The following EPB41L4B variants were observed in gnomAD, a reference collection of about 807,000 sequenced individuals.
EPB41L4B encodes band 4.1-like protein 4B.
Under a neutral mutation model 112.5 loss-of-function variants are expected in EPB41L4B, and 30 were observed. That is an observed-to-expected ratio of 0.27 (90% CI 0.20 to 0.36). The LOEUF is 0.36. Among genes scored for constraint, EPB41L4B ranks in the 10% least tolerant of loss-of-function variants. The pLI is 1.00. For synonymous variants in EPB41L4B, 408 were observed against 439.7 expected (o/e 0.93, Z 0.90); for missense variants, 1,024 against 1,133.3 (o/e 0.90, Z 1.38).
intron 20 of EPB41L4B, among the ~76,000 whole-genome samples, chr9:109,195,764 C>T (rs1832619418): frequency 6.6e-6 from 1 of 152,126 alleles, no homozygotes; most frequent in Admixed American, 6.5e-5. Context: ...ATATAAAAGG[C>T]CATTTAAAAA....
intron 2 of EPB41L4B, among the ~76,000 whole-genome samples, chr9:109,274,971 C>T (rs1460920649): frequency 6.6e-6 from 1 of 152,228 alleles, no homozygotes; most frequent in African/African-American, 2.4e-5. Flanking sequence ...GGCCTGAGCC[C>T]TTGGCTCTCA....
chr9:109,250,181 T>C (rs1834728077), intron 13 of EPB41L4B, among the ~76,000 whole-genome samples: 1 of 152,142 alleles, frequency 6.6e-6, no homozygotes, highest in African/African-American at 2.4e-5. Flanking sequence ...AAAACACTGA[T>C]CTAGCCCAAC....
intron 22 of EPB41L4B, among the ~76,000 whole-genome samples, chr9:109,188,476 C>T (rs147790466): frequency 3.9e-5 from 6 of 152,196 alleles, no homozygotes; most frequent in African/African-American, 7.2e-5. Flanking sequence ...AAAACAGCCA[C>T]GAAAGAACCA....
In EPB41L4B at chr9:109,320,825, T is replaced by G. The variant is rs1837848315; in HGVS notation, c.-379A>C. 6.9e-6 allele frequency: 1 copy of G among 144,442 alleles called. No individual in the cohort carries two copies. The highest frequency in any genetic ancestry group is 1.5e-5 in the Non-Finnish European group (1 of 65,170). The allele number at this position is 144,442 out of a possible 1,614,324, so 8.9% of individuals were successfully genotyped here. A position where few individuals can be genotyped will look rare whatever the true frequency, so the allele number is the denominator to read the frequency against. ...GGGGCGCGGGAGGCGGGCTGCGGGCTGCTCCCGCGCCGCGCGCCGGCCGAG... is the reference window on the plus strand; with the variant it reads ...GGGGCGCGGGAGGCGGGCTGCGGGCGGCTCCCGCGCCGCGCGCCGGCCGAG... On this transcript the variant is annotated 5_prime_UTR_variant, in exon 1 of 26. Transcript: ENST00000374566.
chr9:109,209,053 C>A (rs1833073110), intron 17 of EPB41L4B, among the ~76,000 whole-genome samples: 1 of 152,166 alleles, frequency 6.6e-6, no homozygotes, highest in Non-Finnish European at 1.5e-5. Flanking sequence ...AGCCACCATG[C>A]ACCAGAGCAA....
At chr9:109,220,968 C>T (rs4978387) in intron 15 of EPB41L4B, among the ~76,000 whole-genome samples, 128,502 of 152,160 alleles carry the variant, frequency 0.84, 54,781 homozygotes, top group African/African-American at 0.96. Flanking sequence ...GTCTTAGTTC[C>T]GCCCCTACTT....
At chr9:109,250,741 C>G (rs1834755753) in intron 13 of EPB41L4B, among the ~76,000 whole-genome samples, 1 of 152,214 alleles carries the variant, frequency 6.6e-6, no homozygotes, top group Admixed American at 6.5e-5. Context: ...CTCACCAGAT[C>G]ATTCTACTAT....
intron 23 of EPB41L4B, among the ~76,000 whole-genome samples, chr9:109,184,939 T>C (rs867477550): frequency 6.6e-6 from 1 of 152,066 alleles, no homozygotes; most frequent in Admixed American, 6.6e-5. Context: ...CAGCATTAAG[T>C]GAAAAGAGGA....
intron 22 of EPB41L4B, among the ~76,000 whole-genome samples, chr9:109,187,582 A>T (rs1588121286): frequency 6.6e-6 from 1 of 152,070 alleles, no homozygotes; most frequent in Non-Finnish European, 1.5e-5. Flanking sequence ...TCTCCCTGCT[A>T]CCCTCAGGAA....
intron 20 of EPB41L4B, 124 bp from the exon 21 acceptor site, chr9:109,194,521 G>A: frequency 2.0e-6 from 2 of 1,010,240 alleles, no homozygotes; most frequent in South Asian, 3.7e-5. Context: ...CCAAACAGAT[G>A]TCCACCAGAT....
At position 109,262,268 on chromosome 9, in the gene EPB41L4B, TC is replaced by T. The variant is rs1835231385; in HGVS notation, c.631+781del. ...AGGTACTCAAGAACCTGCTGGAGCT[TC>T]TAGAACCTCTTAGTCAAGGGACCCA... On this transcript the variant is annotated intron_variant, in intron 6 of 25. Coordinates refer to ENST00000374566, the MANE Select transcript of EPB41L4B (RefSeq NM_019114.5). Among the ~76,000 whole-genome samples, 2 of 152,174 alleles carry T rather than the reference TC, an allele frequency of 1.3e-5. 1 individual carries two copies. The highest frequency in any genetic ancestry group is 4.1e-4 in the South Asian group (2 of 4,832).
In EPB41L4B at chr9:109,191,305, C is replaced by T. The variant is rs111662203; in HGVS notation, c.2301+973G>A. 7.5e-3 allele frequency among the ~76,000 whole-genome samples: 1,148 copies of T among 152,320 alleles called. 19 individuals are homozygous for T. The highest frequency in any genetic ancestry group is 0.026 in the African/African-American group (1,090 of 41,568). ...CTCATGCCTCAAAGGATGCTTTATC[C>T]TGAGGACACACATTCACTGCAAACT... is the stretch of plus-strand genomic sequence containing the variant. On this transcript the variant is annotated intron_variant, in intron 22 of 25. Coordinates refer to ENST00000374566, the MANE Select transcript of EPB41L4B (RefSeq NM_019114.5).
At position 109,185,591 on chromosome 9, in the gene EPB41L4B, G is replaced by A. The variant is rs1832229046; in HGVS notation, c.2316C>T (p.Ser772=). The change falls in exon 23 of 26, where the codon AGC becomes AGT. Residue 772 remains serine (S), a synonymous_variant. Coordinates refer to ENST00000374566, the MANE Select transcript of EPB41L4B (RefSeq NM_019114.5). ...TEATPLAEPA[S]NPHCAHSRCS... ...AGCGAGAGTGGGCACAGTGGGGGTT[G>A]CTGGCGGGCTCTGCCTGCTCACGAG... 3 of 1,610,214 alleles carry A rather than the reference G, an allele frequency of 1.9e-6. No individual in the cohort carries two copies. Among genetic ancestry groups the A allele is most frequent in the Middle Eastern group, 1.7e-4 (1 of 6,034 alleles).
chr9:109,264,721 T>G (rs1192112399), intron 5 of EPB41L4B, among the ~76,000 whole-genome samples: 1 of 152,238 alleles, frequency 6.6e-6, no homozygotes, highest in East Asian at 1.9e-4. Context: ...GACAGTGATG[T>G]GATCAGGGAG....
In EPB41L4B at chr9:109,279,933, T is replaced by C. The variant is rs1835971676; in HGVS notation, c.307-12A>G. 2.5e-6 allele frequency: 4 copies of C among 1,609,132 alleles called. No homozygotes were observed. Among genetic ancestry groups the C allele is most frequent in the Non-Finnish European group, 1.7e-6 (2 of 1,177,906 alleles). Reference sequence around the variant, plus strand: ...CCTTTGGCATGTTTCTGGAAGACAATTGGGAAGATGAAAAAACTTAGGGTG... The same window carrying C: ...CCTTTGGCATGTTTCTGGAAGACAACTGGGAAGATGAAAAAACTTAGGGTG... On this transcript the variant is annotated splice_polypyrimidine_tract_variant and intron_variant, in intron 1 of 25. Transcript: ENST00000374566.
chr9:109,242,228 A>C (rs1427253864), intron 15 of EPB41L4B, among the ~76,000 whole-genome samples: 1 of 152,216 alleles, frequency 6.6e-6, no homozygotes, highest in East Asian at 1.9e-4. Context: ...AGAGCTTGAA[A>C]ATACACAAAA....
chr9:109,218,478 G>A (rs550383765), intron 15 of EPB41L4B, among the ~76,000 whole-genome samples: 3 of 152,010 alleles, frequency 2.0e-5, no homozygotes, highest in South Asian at 2.1e-4. Context: ...TGAAAATCTG[G>A]TGAATACCAC....
At position 109,320,364 on chromosome 9, in the gene EPB41L4B, C is replaced by G. The variant is rs1837823702; in HGVS notation, c.83G>C (p.Gly28Ala). ...ARGAAGRGAA[G>A]LGDERDGGPR... is the part of the protein sequence containing the mutation. Reference sequence around the variant, plus strand: ...CCCCCCATCGCGCTCGTCCCCCAGCCCGGCGGCCCCGCGCCCCGCCGCGCC... The same window carrying G: ...CCCCCCATCGCGCTCGTCCCCCAGCGCGGCGGCCCCGCGCCCCGCCGCGCC... Residue 28 changes from glycine to alanine, a missense_variant, in exon 1 of 26, where the codon GGG becomes GCG. Coordinates refer to ENST00000374566, the MANE Select transcript of EPB41L4B (RefSeq NM_019114.5). The G allele has an allele frequency of 1.0e-6, 1 of 983,136 alleles. No homozygotes were observed. Among genetic ancestry groups the G allele is most frequent in the Non-Finnish European group, 1.2e-6 (1 of 829,804 alleles). 60.9% of individuals were successfully genotyped at this position (983,136 alleles called of 1,614,324 possible).
intron 24 of EPB41L4B, among the ~76,000 whole-genome samples, chr9:109,182,477 C>T (rs774374539): frequency 1.3e-5 from 2 of 152,176 alleles, no homozygotes; most frequent in African/African-American, 2.4e-5. Flanking sequence ...TGTATTGGAA[C>T]TGATAGAAGT....
Sources: allele counts gnomAD v4.1 joint callset (sites outside exome capture counted in the v4.1 genomes callset), GRCh38; gene constraint gnomAD v4.1.1; transcripts MANE v1.5; gene names NCBI Gene and HGNC (gene_info 2026-07-23, HGNC 2026-07-21).